The following DAB1 variants were observed in gnomAD, a reference collection of about 807,000 sequenced individuals.
The protein encoded by DAB1 is disabled homolog 1.
DAB1 carries 15 observed loss-of-function variants against 64.6 expected under a neutral mutation model. The observed-to-expected ratio is 0.23, with a 90% confidence interval of 0.16 to 0.36. DAB1 has a LOEUF of 0.36. Ranked by LOEUF, DAB1 falls within the 10% of genes least tolerant of loss-of-function variation. The pLI is 1.00. For missense variants in DAB1, 596 were observed against 706.7 expected (o/e 0.84, Z 1.78); for synonymous variants, 235 against 251.9 (o/e 0.93, Z 0.64).
At chr1:58,324,683 G>A (rs1016563818) in intron 4 of DAB1, among the ~76,000 whole-genome samples, 4 of 152,218 alleles carry the variant, frequency 2.6e-5, no homozygotes, top group African/African-American at 9.6e-5. Flanking sequence ...CTGCCTCTTG[G>A]CTGATCATGT....
intron 5 of DAB1, among the ~76,000 whole-genome samples, chr1:57,924,904 C>A (rs1054719750): frequency 1.3e-5 from 2 of 151,986 alleles, no homozygotes; most frequent in African/African-American, 4.8e-5. Context: ...TCAGTAAATG[C>A]CAATAATTAT....
intron 3 of DAB1, among the ~76,000 whole-genome samples, chr1:58,469,334 A>G (rs1165418528): frequency 6.6e-6 from 1 of 152,202 alleles, no homozygotes; most frequent in Non-Finnish European, 1.5e-5. Flanking sequence ...GACCTATCTC[A>G]TGCAGTTGTT....
intron 4 of DAB1, among the ~76,000 whole-genome samples, chr1:58,304,169 A>G (rs1246591178): frequency 6.6e-6 from 1 of 152,162 alleles, no homozygotes; most frequent in East Asian, 1.9e-4. Flanking sequence ...TTTGATACTC[A>G]GGCACTGTTT....
intron 7 of DAB1, among the ~76,000 whole-genome samples, chr1:57,639,650 C>T (rs1449893492): frequency 6.6e-6 from 1 of 152,158 alleles, no homozygotes; most frequent in Non-Finnish European, 1.5e-5. Context: ...TGCCCTCTTT[C>T]ATTCAACAAA....
At chr1:58,250,102 C>T (rs1441822870) in intron 4 of DAB1, among the ~76,000 whole-genome samples, 1 of 152,144 alleles carries the variant, frequency 6.6e-6, no homozygotes, top group African/African-American at 2.4e-5. Context: ...GCAGTGCGGG[C>T]ACAGTGTTGC....
chr1:58,052,313 A>C (rs1005177385), intron 5 of DAB1, among the ~76,000 whole-genome samples: 1 of 152,188 alleles, frequency 6.6e-6, no homozygotes, highest in Non-Finnish European at 1.5e-5. Flanking sequence ...TCCTTTCCCC[A>C]TTTCTTATTT....
chr1:57,352,029 A>G (rs972202947), intron 1 of DAB1, among the ~76,000 whole-genome samples: 4 of 152,190 alleles, frequency 2.6e-5, no homozygotes, highest in African/African-American at 4.8e-5. Flanking sequence ...TACATGAAAG[A>G]AAAACATTAG....
intron 1 of DAB1, among the ~76,000 whole-genome samples, chr1:57,869,921 G>A (rs1310308696): frequency 6.6e-6 from 1 of 152,110 alleles, no homozygotes; most frequent in African/African-American, 2.4e-5. Flanking sequence ...GGCTGCATGA[G>A]AAGTTTTCCA....
chr1:57,281,422 A>G (rs1671882402), intron 2 of DAB1, among the ~76,000 whole-genome samples: 1 of 152,208 alleles, frequency 6.6e-6, no homozygotes, highest in African/African-American at 2.4e-5. Context: ...CCAGGAGAAG[A>G]AAAAACATGT....
chr1:57,023,648 CAG>C lies in DAB1; in HGVS notation c.787-11_787-10del, dbSNP rs764228986. The C allele has an allele frequency of 2.6e-6, 4 of 1,549,450 alleles. No individual in the cohort carries two copies. In the African/African-American group the frequency reaches 4.1e-5, roughly 16 times the overall value. ...CCTGGAGTTGCAGGAGTCTGCCAGA[CAG>C]AGAGAGGCAGAGGACACATGAGACC... On this transcript the variant is annotated splice_polypyrimidine_tract_variant and intron_variant, in intron 10 of 14. Transcript: ENST00000371236.
intron 3 of DAB1, among the ~76,000 whole-genome samples, chr1:58,456,104 A>T (rs1165791881): frequency 6.6e-6 from 1 of 152,272 alleles, no homozygotes; most frequent in African/African-American, 2.4e-5. Context: ...GAAAGCATTC[A>T]GTACTACGCT....
intron 4 of DAB1, among the ~76,000 whole-genome samples, chr1:58,309,148 A>T (rs955109499): frequency 6.6e-6 from 1 of 152,166 alleles, no homozygotes; most frequent in Non-Finnish European, 1.5e-5. Flanking sequence ...TTTGTGAAGT[A>T]TTGTGAGATT....
At chr1:57,159,911 A>G (rs992783126) in intron 2 of DAB1, among the ~76,000 whole-genome samples, 1 of 151,076 alleles carries the variant, frequency 6.6e-6, no homozygotes, top group African/African-American at 2.4e-5. Context: ...CGGTAAAGAC[A>G]GCTATAATCA....
At chr1:57,570,321 C>T (rs1645179126) in intron 7 of DAB1, among the ~76,000 whole-genome samples, 1 of 152,090 alleles carries the variant, frequency 6.6e-6, no homozygotes, top group Non-Finnish European at 1.5e-5. Context: ...CGAACTGATT[C>T]TCCTTGTTTC....
At chr1:57,860,264 C>T (rs1465033490) in intron 1 of DAB1, among the ~76,000 whole-genome samples, 1 of 152,166 alleles carries the variant, frequency 6.6e-6, no homozygotes, top group African/African-American at 2.4e-5. Flanking sequence ...TCATATATTA[C>T]ATTTGAGACA....
intron 1 of DAB1, among the ~76,000 whole-genome samples, chr1:57,360,158 T>C (rs1424238383): frequency 6.6e-6 from 1 of 152,050 alleles, no homozygotes; most frequent in Non-Finnish European, 1.5e-5. Context: ...TCACAATGTG[T>C]ATACACTTCA....
rs902295521 is a variant in DAB1, at chr1:58,473,565, T to A, written n.257+32495A>T. On this transcript the variant is annotated intron_variant and non_coding_transcript_variant, in intron 3 of 20. Coordinates refer to the DAB1 transcript ENST00000485760. ...TCAAAAAAATAAATAAATAAATAAA[T>A]AAATAAATAAATAAATAAATAAATA... is the stretch of plus-strand genomic sequence containing the variant. Among the ~76,000 whole-genome samples, 41 of 149,880 alleles carry A rather than the reference T, an allele frequency of 2.7e-4. No homozygotes were observed. In the East Asian group the frequency reaches 2.8e-3, roughly 10 times the overall value.
rs919375474 is a variant in DAB1, at chr1:57,326,220, G to A, written c.-136-35054C>T. ...TATTCAACCTCAGTCCACCTTGTTC[G>A]CATCCCTCAAATCATCCCTGGAAAT... On this transcript the variant is annotated intron_variant, in intron 1 of 14. Coordinates refer to ENST00000371236, the MANE Select transcript of DAB1 (RefSeq NM_001365792.1). Among the ~76,000 whole-genome samples the A allele has an allele frequency of 4.6e-5, 7 of 152,112 alleles. No homozygotes were observed. In the East Asian group the frequency reaches 7.7e-4, roughly 17 times the overall value.
intron 7 of DAB1, among the ~76,000 whole-genome samples, chr1:57,565,481 A>T (rs1391780669): frequency 6.6e-6 from 1 of 152,228 alleles, no homozygotes; most frequent in Non-Finnish European, 1.5e-5. Context: ...AGACTGGCAA[A>T]TTGGATAAAG....
Sources: gnomAD v4.1 joint callset for allele counts (sites outside exome capture counted in the v4.1 genomes callset) on GRCh38, gnomAD v4.1.1 for gene constraint, MANE v1.5 for transcripts, NCBI Gene and HGNC (gene_info 2026-07-23, HGNC 2026-07-21) for gene names.